The following ADRA1B variants were observed in gnomAD, a reference collection of about 807,000 sequenced individuals.
ADRA1B encodes the protein alpha-1B adrenergic receptor.
In ADRA1B, 17 loss-of-function variants were observed where a neutral mutation model predicts 17.9. The observed-to-expected ratio is 0.95, with a 90% CI of 0.65 to 1.42. The LOEUF (loss-of-function observed/expected upper bound fraction) is 1.42. Ranked by LOEUF, ADRA1B falls within the 40% of genes most tolerant of loss-of-function variation. ADRA1B has a pLI of 0.00. For missense variants in ADRA1B, 681 were observed against 722.1 expected, an observed-to-expected ratio of 0.94 and a Z score of 0.65; for synonymous variants, 366 against 327.6, an observed-to-expected ratio of 1.12 and a Z score of -1.27.
chr5:159,959,186 G>T (rs947222460), intron 1 of ADRA1B, among the ~76,000 whole-genome samples: 1 of 152,142 alleles, frequency 6.6e-6, no homozygotes, highest in South Asian at 2.1e-4. Flanking sequence ...GACTCTCTTT[G>T]ATGGTAAATA....
chr5:159,954,183 C>T (rs1462224162), intron 1 of ADRA1B, among the ~76,000 whole-genome samples: 1 of 152,162 alleles, frequency 6.6e-6, no homozygotes, highest in African/African-American at 2.4e-5. Flanking sequence ...GAATCAGCTC[C>T]GGCTGCTGTA....
At chr5:159,908,429 C>T (rs1453029545) in intron 1 of ADRA1B, among the ~76,000 whole-genome samples, 1 of 152,072 alleles carries the variant, frequency 6.6e-6, no homozygotes, top group Non-Finnish European at 1.5e-5. Flanking sequence ...GAGGGAGGAT[C>T]CCTTATGAAT....
At chr5:159,971,855 T>TGGGGGGGGGGGGGG in intron 1 of ADRA1B, 24 bp from the exon 2 acceptor site, 5 of 435,068 alleles carry the variant, frequency 1.1e-5, no homozygotes, top group Non-Finnish European at 1.8e-5. Context: ...TTTCTGCCCG[T>TGGGGGGGGGGGGGG]GCCCACCCCC....
chr5:159,878,863 T>C (rs1210813841), intron 1 of ADRA1B, among the ~76,000 whole-genome samples: 1 of 152,154 alleles, frequency 6.6e-6, no homozygotes, highest in African/African-American at 2.4e-5. Flanking sequence ...TCAACTAACA[T>C]CTTCTCTGTG....
chr5:159,894,879 C>T (rs1209021822), intron 1 of ADRA1B, among the ~76,000 whole-genome samples: 2 of 152,188 alleles, frequency 1.3e-5, no homozygotes, highest in African/African-American at 2.4e-5. Flanking sequence ...AGCCAGCATT[C>T]CCTATGCTCC....
At chr5:159,894,359 A>C (rs2113108793) in intron 1 of ADRA1B, among the ~76,000 whole-genome samples, 1 of 152,324 alleles carries the variant, frequency 6.6e-6, no homozygotes, top group Non-Finnish European at 1.5e-5. Context: ...AGAATTTTTC[A>C]CATTTTAGAG....
chr5:159,886,975 G>A (rs1313654994), intron 1 of ADRA1B, among the ~76,000 whole-genome samples: 1 of 152,088 alleles, frequency 6.6e-6, no homozygotes, highest in East Asian at 1.9e-4. Context: ...CAATGATATT[G>A]ACTTCAAAGA....
intron 1 of ADRA1B, among the ~76,000 whole-genome samples, chr5:159,874,470 C>T (rs541654414): frequency 6.6e-6 from 1 of 152,182 alleles, no homozygotes; most frequent in South Asian, 2.1e-4. Context: ...GGTGTCAGTG[C>T]AGCACCTATT....
In ADRA1B at chr5:159,939,025, C is replaced by A. The variant is rs149620630; in HGVS notation, c.949+21171C>A. Among the ~76,000 whole-genome samples the A allele has an allele frequency of 3.9e-4, 59 of 152,252 alleles. 1 individual carries two copies. Among genetic ancestry groups the A allele is most frequent in the African/African-American group, 1.4e-3 (57 of 41,538 alleles). ...CAGACAATTTTAAAGATGGAAAGGG[C>A]ATGTAAAGGTGGAAATGCCAAGAAT... On this transcript the variant is annotated intron_variant, in intron 1 of 1. Coordinates refer to ENST00000306675, the MANE Select transcript of ADRA1B (RefSeq NM_000679.4).
intron 1 of ADRA1B, among the ~76,000 whole-genome samples, chr5:159,960,791 C>A (rs1024559925): frequency 9.9e-5 from 15 of 151,462 alleles, no homozygotes; most frequent in African/African-American, 3.6e-4. Flanking sequence ...TGCTGCTTAT[C>A]CATGAACCTC....
At chr5:159,880,285 CAGAGA>C (rs1244702614) in intron 1 of ADRA1B, among the ~76,000 whole-genome samples, 1 of 152,194 alleles carries the variant, frequency 6.6e-6, no homozygotes, top group Non-Finnish European at 1.5e-5. Flanking sequence ...TCACCTATAA[CAGAGA>C]AGAGTAAAGG....
chr5:159,955,299 A>C (rs1755531188), intron 1 of ADRA1B: 5 of 616,656 alleles, frequency 8.1e-6, no homozygotes, highest in Non-Finnish European at 1.0e-5. Flanking sequence ...AACAAGCGAG[A>C]GGTGACACAG....
intron 1 of ADRA1B, among the ~76,000 whole-genome samples, chr5:159,954,140 C>T (rs1482107541): frequency 2.0e-5 from 3 of 152,270 alleles, no homozygotes; most frequent in Middle Eastern, 3.4e-3. Context: ...CAGCGAGATC[C>T]GCATCAATAG....
chr5:159,913,503 A>G (rs755665133), upstream of ADRA1B, among the ~76,000 whole-genome samples: 20 of 152,234 alleles, frequency 1.3e-4, no homozygotes, highest in Non-Finnish European at 2.5e-4. Context: ...GGTAAATGAC[A>G]ACAAGTCTGA....
intron 1 of ADRA1B, among the ~76,000 whole-genome samples, chr5:159,875,761 T>C (rs1025801151): frequency 2.0e-5 from 3 of 152,148 alleles, no homozygotes; most frequent in Non-Finnish European, 4.4e-5. Flanking sequence ...CCTGCAGGCA[T>C]CCAGGTTTGA....
chr5:159,951,209 C>G (rs1755430300), intron 1 of ADRA1B: 5 of 802,006 alleles, frequency 6.2e-6, no homozygotes, highest in Non-Finnish European at 1.1e-5. Flanking sequence ...CGCTGGTGGA[C>G]TTCACAACAT....
intron 1 of ADRA1B, among the ~76,000 whole-genome samples, chr5:159,881,317 C>G (rs879777968): frequency 1.3e-3 from 192 of 150,832 alleles, no homozygotes; most frequent in Admixed American, 4.9e-3. Flanking sequence ...CTCTCTCTCT[C>G]TCTCTCTCTC....
intron 1 of ADRA1B, among the ~76,000 whole-genome samples, chr5:159,962,328 T>C (rs1581068469): frequency 6.6e-6 from 1 of 152,094 alleles, no homozygotes; most frequent in African/African-American, 2.4e-5. Flanking sequence ...TAACAAAAGA[T>C]TTCATTTAAA....
chr5:159,965,321 G>A (rs1458333027), intron 1 of ADRA1B, among the ~76,000 whole-genome samples: 2 of 152,252 alleles, frequency 1.3e-5, no homozygotes, highest in South Asian at 2.1e-4. Flanking sequence ...CAAGGGAAGC[G>A]GAGGCAGGCT....
Sources: allele counts gnomAD v4.1 joint callset (sites outside exome capture counted in the v4.1 genomes callset), GRCh38; gene constraint gnomAD v4.1.1; transcripts MANE v1.5; gene names NCBI Gene and HGNC (gene_info 2026-07-23, HGNC 2026-07-21).